CNKSR2: variants seen among roughly 807,000 people sequenced by gnomAD.
The protein encoded by CNKSR2 is connector enhancer of kinase suppressor of Ras 2.
CNKSR2 carries 14 observed loss-of-function variants against 84.4 expected under a neutral mutation model. That is an observed-to-expected ratio of 0.17 (90% CI 0.11 to 0.26). The LOEUF (loss-of-function observed/expected upper bound fraction) is 0.26. Among genes scored for constraint, CNKSR2 ranks in the 10% least tolerant of loss-of-function variants. CNKSR2 has a pLI of 1.00. For missense variants in CNKSR2, 485 were observed against 771.2 expected (o/e 0.63, Z 4.40); for synonymous variants, 275 against 277.9 (o/e 0.99, Z 0.10).
At chrX:21,601,987 C>A (rs960812581) in intron 18 of CNKSR2, among the ~76,000 whole-genome samples, 12 of 112,311 alleles carry the variant, frequency 1.1e-4, no homozygotes, top group Non-Finnish European at 2.1e-4. Context: ...AAAGAATCCA[C>A]AGATTGACAT....
rs138291793 is a variant in CNKSR2, at chrX:21,516,049, C to G, written c.811-436C>G. On this transcript the variant is annotated intron_variant, in intron 8 of 21. Transcript: ENST00000379510. Reference sequence around the variant, plus strand: ...ATTTAGAGACACTGGTACCACTTATCTCTAAAAGATGGTGATGAGAAAGCA... The same window carrying G: ...ATTTAGAGACACTGGTACCACTTATGTCTAAAAGATGGTGATGAGAAAGCA... Among the ~76,000 whole-genome samples, 99 of 111,712 alleles carry G rather than the reference C, an allele frequency of 8.9e-4. 1 individual carries two copies. The East Asian group carries it at 0.027, about 30-fold the overall frequency.
chrX:21,584,142 C>T (rs777676940), intron 13 of CNKSR2, among the ~76,000 whole-genome samples: 3 of 111,838 alleles, frequency 2.7e-5, no homozygotes, highest in Non-Finnish European at 5.6e-5. Context: ...GTTAAATGCA[C>T]TAAGACAATC....
At chrX:21,448,023 A>T (rs1159195951) in intron 4 of CNKSR2, among the ~76,000 whole-genome samples, 1 of 111,293 alleles carries the variant, frequency 9.0e-6, no homozygotes, top group Non-Finnish European at 1.9e-5. Flanking sequence ...GGAGACAAAT[A>T]TGAGGTGGGA....
intron 20 of CNKSR2, among the ~76,000 whole-genome samples, chrX:21,641,147 A>C (rs1455993217): frequency 8.9e-6 from 1 of 112,186 alleles, no homozygotes; most frequent in Non-Finnish European, 1.9e-5. Context: ...AAATAATTTT[A>C]ATTTTCTCAA....
At chrX:21,620,096 G>A (rs1035641395) in intron 20 of CNKSR2, among the ~76,000 whole-genome samples, 11 of 111,266 alleles carry the variant, frequency 9.9e-5, no homozygotes, top group African/African-American at 2.9e-4. Context: ...CAGCACTAGA[G>A]GTAGGCAAGA....
In CNKSR2 at chrX:21,543,324, T is replaced by C. The variant is rs745484339; in HGVS notation, c.1303+11257T>C. Among the ~76,000 whole-genome samples the C allele has an allele frequency of 1.6e-4, 18 of 112,316 alleles. No homozygotes were observed. In the East Asian group the frequency reaches 5.0e-3, roughly 31 times the overall value. The stretch of plus-strand genomic sequence containing the variant: ...AAGAACTAACCACAGAAATAGAAAT[T>C]AGTGATTCAAAGATGAAGAAATGTG... On this transcript the variant is annotated intron_variant, in intron 11 of 21. Coordinates refer to ENST00000379510, the MANE Select transcript of CNKSR2 (RefSeq NM_014927.5).
chrX:21,468,170 G>T (rs905098896), intron 4 of CNKSR2, among the ~76,000 whole-genome samples: 1 of 110,146 alleles, frequency 9.1e-6, no homozygotes, highest in Admixed American at 9.8e-5. Context: ...TAAGTCAGGG[G>T]CCATGTTTTA....
rs763977356 is a variant in CNKSR2, at chrX:21,601,367, T to A, written c.2044+18T>A. Reference sequence around the variant, plus strand: ...GGAACAAGGTAAAGGAATACTTTTTTAAAATAATTATGTTATACTTTTTTT... The same window carrying A: ...GGAACAAGGTAAAGGAATACTTTTTAAAAATAATTATGTTATACTTTTTTT... On this transcript the variant is annotated intron_variant, in intron 18 of 21. Transcript: ENST00000379510. 5.2e-5 allele frequency: 52 copies of A among 1,001,321 alleles called. No homozygotes were observed. The highest frequency in any genetic ancestry group is 1.2e-4 in the Admixed American group (5 of 41,393). The allele number at this position is 1,001,321 out of a possible 1,213,427, so 82.5% of individuals were successfully genotyped here.
intron 19 of CNKSR2, chrX:21,608,212 G>A (rs777897968): frequency 5.4e-5 from 6 of 110,824 alleles, no homozygotes; most frequent in South Asian, 3.9e-4. Flanking sequence ...ACCTCAGTCC[G>A]GTGTGTCCTG....
chrX:21,462,586 G>A (rs976368890), intron 4 of CNKSR2, among the ~76,000 whole-genome samples: 3 of 111,475 alleles, frequency 2.7e-5, no homozygotes, highest in African/African-American at 9.8e-5. Context: ...TAGCAGTGGT[G>A]AAAGTGGGCA....
In CNKSR2 at chrX:21,470,762, T is replaced by TC; in HGVS notation, c.520-3dup. 1.0e-6 allele frequency: 1 copy of TC among 974,933 alleles called. No individual in the cohort carries two copies. The highest frequency in any genetic ancestry group is 1.4e-6 in the Non-Finnish European group (1 of 714,790). 80.3% of individuals were successfully genotyped at this position (974,933 alleles called of 1,213,427 possible). A position where few individuals can be genotyped will look rare whatever the true frequency, so the allele number is the denominator to read the frequency against. On this transcript the variant is annotated splice_region_variant and splice_polypyrimidine_tract_variant and intron_variant, in intron 4 of 21. Transcript: ENST00000379510. ...ATCTAATGTATATGGTTCTTTTTTT[T>TC]CAGGATTGTACTGTATATGAAACAG...
intron 1 of CNKSR2, among the ~76,000 whole-genome samples, chrX:21,399,362 A>G (rs986283036): frequency 9.0e-5 from 10 of 111,621 alleles, no homozygotes; most frequent in African/African-American, 2.9e-4. Context: ...TATTTTTTAT[A>G]TGGAAGTAAC....
In CNKSR2 at chrX:21,461,518, G is replaced by C. The variant is rs185159647; in HGVS notation, c.520-9248G>C. ...CACTTTGTTGATTGTTTCCTTTGCTGTACAGAAGCTTTTTAACTTGATGTG... is the reference window on the plus strand; with the variant it reads ...CACTTTGTTGATTGTTTCCTTTGCTCTACAGAAGCTTTTTAACTTGATGTG... On this transcript the variant is annotated intron_variant, in intron 4 of 21. Coordinates refer to ENST00000379510, the MANE Select transcript of CNKSR2 (RefSeq NM_014927.5). 1.8e-3 allele frequency among the ~76,000 whole-genome samples: 203 copies of C among 111,126 alleles called. 2 individuals carry two copies. The highest frequency in any genetic ancestry group is 3.0e-3 in the Non-Finnish European group (161 of 52,923).
chrX:21,535,028 G>A (rs773497900), intron 11 of CNKSR2, among the ~76,000 whole-genome samples: 29 of 110,886 alleles, frequency 2.6e-4, no homozygotes, highest in Non-Finnish European at 4.0e-4. Flanking sequence ...ATATTTAAGC[G>A]TTTAATCCAT....
In CNKSR2 at chrX:21,499,112, C is replaced by T. The variant is rs147969273; in HGVS notation, c.741+1266C>T. Among the ~76,000 whole-genome samples, 552 of 111,627 alleles carry T rather than the reference C, an allele frequency of 4.9e-3. 1 individual carries two copies. The highest frequency in any genetic ancestry group is 0.016 in the African/African-American group (491 of 30,842). On this transcript the variant is annotated intron_variant, in intron 7 of 21. Transcript: ENST00000379510. ...TGAGAGTCGTAGGGATCAAGAATATCAGTAACATGCATATTATGAAGATTT... is the reference window on the plus strand; with the variant it reads ...TGAGAGTCGTAGGGATCAAGAATATTAGTAACATGCATATTATGAAGATTT...
intron 1 of CNKSR2, among the ~76,000 whole-genome samples, chrX:21,415,516 G>T (rs1169449615): frequency 9.4e-6 from 1 of 106,101 alleles, no homozygotes; most frequent in Non-Finnish European, 1.9e-5. Context: ...ACTTCTCATT[G>T]TTCAATTCCC....
At chrX:21,619,202 A>G (rs2092591103) in intron 20 of CNKSR2, among the ~76,000 whole-genome samples, 1 of 112,363 alleles carries the variant, frequency 8.9e-6, no homozygotes, top group Non-Finnish European at 1.9e-5. Flanking sequence ...GTACTGATTA[A>G]CACAAATCAG....
At chrX:21,626,636 A>C (rs934842329) in intron 20 of CNKSR2, among the ~76,000 whole-genome samples, 2 of 112,192 alleles carry the variant, frequency 1.8e-5, no homozygotes, top group African/African-American at 6.5e-5. Flanking sequence ...GTAAAATGGA[A>C]ACTTGGAGCT....
intron 13 of CNKSR2, among the ~76,000 whole-genome samples, chrX:21,582,707 A>C (rs1256097093): frequency 2.7e-5 from 3 of 112,281 alleles, no homozygotes; most frequent in African/African-American, 9.7e-5. Flanking sequence ...GTAAGTGCTT[A>C]ATATTGTGCC....
Sources: gnomAD v4.1 joint callset for allele counts (sites outside exome capture counted in the v4.1 genomes callset) on GRCh38, gnomAD v4.1.1 for gene constraint, MANE v1.5 for transcripts, NCBI Gene and HGNC (gene_info 2026-07-23, HGNC 2026-07-21) for gene names.